The following UBA2 variants were observed in gnomAD, a reference collection of about 807,000 sequenced individuals.
UBA2 encodes the protein ubiquitin like modifier activating enzyme 2, also known as SUMO-activating enzyme subunit 2.
In UBA2, 11 loss-of-function variants were observed where a neutral mutation model predicts 77.2. The ratio of observed to expected loss-of-function variants is 0.14; its 90% CI spans 0.09 to 0.24. The LOEUF is 0.24. UBA2 is among the 10% of genes least tolerant of loss of function. The probability of loss-of-function intolerance (pLI) is 1.00; values close to 1 mark genes in which losing one functional copy is unlikely to be tolerated. For synonymous variants in UBA2, 278 were observed against 276.7 expected, an observed-to-expected ratio of 1.00 and a Z score of -0.05; for missense variants, 487 against 781.7, an observed-to-expected ratio of 0.62 and a Z score of 4.50.
rs45482396 is a variant in UBA2 at position 34,466,925 on chromosome 19, C to G, written c.1652C>G (p.Pro551Arg). The change falls in exon 16 of 17, where the codon CCG (proline) becomes CGG (arginine). Residue 551 changes from proline to arginine, a missense_variant. Coordinates refer to ENST00000246548, the MANE Select transcript of UBA2 (RefSeq NM_005499.3). ...DVEFEVVGDA[P>R]EKVGPKQAED... is the part of the protein sequence containing the mutation. ...GAATTTGAAGTTGTTGGTGATGCCC[C>G]GGAAAAAGTGGGGCCCAAACAAGCT... The G allele has an allele frequency of 3.7e-6, 6 of 1,613,420 alleles. No individual in the cohort carries two copies. The highest frequency in any genetic ancestry group is 1.3e-5 in the African/African-American group (1 of 74,746).
intron 9 of UBA2, among the ~76,000 whole-genome samples, chr19:34,451,225 AAC>A (rs1433585857): frequency 5.3e-5 from 8 of 152,064 alleles, no homozygotes; most frequent in African/African-American, 9.7e-5. Flanking sequence ...ACTCCCCTTT[AAC>A]ACTCCTTGTC....
In UBA2 at chr19:34,463,794, G is replaced by C. The variant is rs1239624248; in HGVS notation, c.1499-232G>C. On this transcript the variant is annotated intron_variant, in intron 14 of 16. Transcript: ENST00000246548. ...CCTCCTCCTATAAGGACATCAGTCAGATCAGATTAGAGCCCACCCTACTTG... is the reference window on the plus strand; with the variant it reads ...CCTCCTCCTATAAGGACATCAGTCACATCAGATTAGAGCCCACCCTACTTG... 4.0e-5 allele frequency among the ~76,000 whole-genome samples: 6 copies of C among 151,838 alleles called. No individual in the cohort carries two copies. The East Asian group carries it at 1.2e-3, about 29-fold the overall frequency.
chr19:34,433,831 G>T (rs1599888294), intron 4 of UBA2, among the ~76,000 whole-genome samples: 1 of 152,144 alleles, frequency 6.6e-6, no homozygotes, highest in East Asian at 1.9e-4. Context: ...GGTGGCATGT[G>T]CCTGTAGTCC....
At chr19:34,460,638 T>C in intron 14 of UBA2, 72 bp downstream of exon 14, 1 of 1,104,274 alleles carries the variant, frequency 9.1e-7, no homozygotes, top group Non-Finnish European at 1.3e-6. Context: ...AGTTGATTCA[T>C]TTACTGTATG....
chr19:34,445,753 T>C (rs916096430), intron 8 of UBA2, among the ~76,000 whole-genome samples: 1 of 152,168 alleles, frequency 6.6e-6, no homozygotes, highest in African/African-American at 2.4e-5. Context: ...TTCACTTTTA[T>C]TTCTTGCTCA....
chr19:34,445,859 A>G (rs1030077308), intron 8 of UBA2, among the ~76,000 whole-genome samples: 5 of 152,128 alleles, frequency 3.3e-5, no homozygotes, highest in Admixed American at 6.6e-5. Flanking sequence ...CATCAGTAGT[A>G]TATACTATTT....
At chr19:34,441,917 T>G (rs1216515716) in intron 6 of UBA2, among the ~76,000 whole-genome samples, 1 of 129,922 alleles carries the variant, frequency 7.7e-6, no homozygotes, top group Non-Finnish European at 1.7e-5. Context: ...CGAGACTGTG[T>G]CTCAGAAAAA....
chr19:34,466,474 A>G (rs2075689538), intron 15 of UBA2, among the ~76,000 whole-genome samples: 3 of 152,260 alleles, frequency 2.0e-5, no homozygotes, highest in Admixed American at 6.5e-5. Context: ...AATAAAAGTT[A>G]TTTACTGTTT....
At chr19:34,455,265 C>A (rs537560876) in intron 12 of UBA2, among the ~76,000 whole-genome samples, 27 of 152,258 alleles carry the variant, frequency 1.8e-4, no homozygotes, top group African/African-American at 6.0e-4. Flanking sequence ...GATACTCCTC[C>A]CCCTCCACTA....
At chr19:34,432,386 A>G (rs952070581) in intron 3 of UBA2, among the ~76,000 whole-genome samples, 1 of 152,194 alleles carries the variant, frequency 6.6e-6, no homozygotes, top group Non-Finnish European at 1.5e-5. Flanking sequence ...CTCAGTAAAG[A>G]TAGAGTAAAT....
intron 12 of UBA2, among the ~76,000 whole-genome samples, chr19:34,457,411 T>G (rs1030303754): frequency 5.3e-5 from 8 of 151,900 alleles, no homozygotes; most frequent in Non-Finnish European, 8.8e-5. Flanking sequence ...TTTTTACATT[T>G]GCAAATGAAT....
At chr19:34,443,482 C>G (rs920199380) in intron 6 of UBA2, among the ~76,000 whole-genome samples, 1 of 138,766 alleles carries the variant, frequency 7.2e-6, no homozygotes, top group Non-Finnish European at 1.5e-5. Flanking sequence ...TGCTCTGTTG[C>G]CCAGGCCGGA....
intron 10 of UBA2, among the ~76,000 whole-genome samples, chr19:34,453,443 T>C (rs150633364): frequency 6.6e-6 from 1 of 151,548 alleles, no homozygotes; most frequent in East Asian, 1.9e-4. Context: ...GAGAGAGTGG[T>C]GCATATGAAG....
Position 34,464,035 on chromosome 19 carries a change from A to C in UBA2, c.1508A>C (p.His503Pro). 6.2e-7 allele frequency: 1 copy of C among 1,611,792 alleles called. No individual in the cohort carries two copies. The highest frequency in any genetic ancestry group is 8.5e-7 in the Non-Finnish European group (1 of 1,177,898). The change falls in exon 15 of 17, where the codon CAC (histidine) becomes CCC (proline). Residue 503 changes from histidine (H) to proline (P), a missense_variant. By Grantham distance (77) the His-to-Pro change is moderately conservative (BLOSUM62 -2). Transcript: ENST00000246548. The part of the protein sequence containing the change: ...SEEGETEANN[H>P]KKLSEFGIRN... ...TATTCACGTTTCCTAGCTAATAATC[A>C]CAAGAAGTTGTCAGAATTTGGAATT...
rs536894456 is a variant in UBA2, at chr19:34,463,983, A to G, written c.1499-43A>G. 7.9e-5 allele frequency: 108 copies of G among 1,365,838 alleles called. No individual in the cohort carries two copies. In the South Asian group the frequency reaches 1.1e-3, roughly 14 times the overall value. The allele number at this position is 1,365,838 out of a possible 1,614,324, so 84.6% of individuals were successfully genotyped here. ...TTTAAAAAATCAACCTGACTGCTCT[A>G]TGAAGATGTAACTGAAGTATCTAAA... On this transcript the variant is annotated intron_variant, in intron 14 of 16. Coordinates refer to ENST00000246548, the MANE Select transcript of UBA2 (RefSeq NM_005499.3).
chr19:34,440,108 G>A (rs1045966101), intron 6 of UBA2, among the ~76,000 whole-genome samples: 25 of 152,238 alleles, frequency 1.6e-4, no homozygotes, highest in Admixed American at 1.3e-3. Context: ...TGGGTCACTT[G>A]AGGCCAGGAG....
At chr19:34,431,793 G>A in intron 2 of UBA2, 68 bp from the exon 3 acceptor site, 1 of 1,396,594 alleles carries the variant, frequency 7.2e-7, no homozygotes, top group East Asian at 2.3e-5. Flanking sequence ...CAGCATTGTG[G>A]CTTCCAGAAG....
At chr19:34,444,033 G>GTTTTTTTTTTGTT (rs1240766724) in intron 7 of UBA2, 122 bp downstream of exon 7, 2 of 201,558 alleles carry the variant, frequency 9.9e-6, no homozygotes, top group African/African-American at 6.6e-5. Flanking sequence ...TTTAACATGT[G>GTTTTTTTTTTGTT]TTTTTTTTTT....
intron 1 of UBA2, chr19:34,428,838 C>T (rs971761658): frequency 8.0e-6 from 9 of 1,129,732 alleles, no homozygotes; most frequent in Admixed American, 4.9e-5. Context: ...CAATGTGTGG[C>T]GCTTCGTGGG....
Sources: gnomAD v4.1 joint callset for allele counts (sites outside exome capture counted in the v4.1 genomes callset) on GRCh38, gnomAD v4.1.1 for gene constraint, MANE v1.5 for transcripts, NCBI Gene and HGNC (gene_info 2026-07-23, HGNC 2026-07-21) for gene names.